DOCK7: variants seen among roughly 807,000 people sequenced by gnomAD.
DOCK7 encodes dedicator of cytokinesis 7, also known as dedicator of cytokinesis protein 7.
DOCK7 carries 138 observed loss-of-function variants against 271.0 expected under a neutral mutation model. The observed-to-expected ratio is 0.51, with a 90% CI of 0.44 to 0.59. DOCK7 has a LOEUF of 0.59. DOCK7 is among the 20% of genes least tolerant of loss of function. The pLI, the probability that DOCK7 is intolerant of heterozygous loss-of-function variation, is 0.00. For synonymous variants in DOCK7, 823 were observed against 876.1 expected (o/e 0.94, Z 1.07); for missense variants, 2,066 against 2,592.4 (o/e 0.80, Z 4.41).
intron 43 of DOCK7, chr1:62,482,793 A>G (rs1571242960): frequency 2.6e-5 from 4 of 152,204 alleles, no homozygotes; most frequent in South Asian, 4.1e-4. Context: ...GTTTTCCTCT[A>G]TATTTCATCC....
At position 62,543,723 on chromosome 1, in the gene DOCK7, C is replaced by T. The variant is rs376417713; in HGVS notation, c.2882G>A (p.Arg961His). Residue 961 changes from arginine to histidine, a missense_variant, in exon 24 of 50, where the codon CGT becomes CAT. By Grantham distance (29) the Arg-to-His change is conservative. This residue lies in a region of DOCK7 where 1,414 missense variants were observed against 1,670.4 expected (regional missense o/e 0.85). Coordinates refer to ENST00000635253, the MANE Select transcript of DOCK7 (RefSeq NM_001367561.1). ...TGACGTCTCTGTGTGCGAAGACATA[C>T]GATTACAACTTCGATCCATAGCCTA... Reference protein sequence around the residue: ...STQAMDRSCNRMSSHTETSSF... With the variant: ...STQAMDRSCNHMSSHTETSSF... The T allele has an allele frequency of 5.0e-5, 79 of 1,595,790 alleles. No individual in the cohort carries two copies. Among genetic ancestry groups the T allele is most frequent in the Non-Finnish European group, 5.7e-5 (67 of 1,167,044 alleles).
In DOCK7 at chr1:62,588,030, C is replaced by T. The variant is rs1647827373; in HGVS notation, c.1683-1406G>A. ...ATGTCTTTGACAATAAGCACACCAA[C>T]TAGAAGTACTAAAAAAAGAAGAAGA... On this transcript the variant is annotated intron_variant, in intron 14 of 49. Transcript: ENST00000635253. Among the ~76,000 whole-genome samples the T allele has an allele frequency of 2.0e-5, 3 of 151,864 alleles. No individual in the cohort carries two copies. In the South Asian group the frequency reaches 6.3e-4, roughly 32 times the overall value.
intron 18 of DOCK7, among the ~76,000 whole-genome samples, chr1:62,577,042 T>C (rs1294204129): frequency 6.6e-6 from 1 of 152,176 alleles, no homozygotes; most frequent in Non-Finnish European, 1.5e-5. Flanking sequence ...AAAATGAGGA[T>C]ATTTACATTT....
chr1:62,614,697 C>T (rs1271367320), intron 14 of DOCK7, among the ~76,000 whole-genome samples: 1 of 151,836 alleles, frequency 6.6e-6, no homozygotes, highest in Non-Finnish European at 1.5e-5. Flanking sequence ...CATATTTAAT[C>T]CCCATAGATT....
rs745945685 is a variant in DOCK7, at chr1:62,474,060, A to G, written c.6134T>C (p.Leu2045Pro). 1 of 1,614,034 alleles carries G rather than the reference A, an allele frequency of 6.2e-7. No homozygotes were observed. Among genetic ancestry groups the G allele is most frequent in the South Asian group, 1.1e-5 (1 of 91,050 alleles). Residue 2045 changes from leucine to proline, a missense_variant, in exon 48 of 50, where the codon CTG (leucine) becomes CCG (proline). By Grantham distance (98) the Leu-to-Pro change is moderately conservative. Coordinates refer to ENST00000635253, the MANE Select transcript of DOCK7 (RefSeq NM_001367561.1). ...QGPLEVAQVFLSEIPSDPKLF... is the reference protein window; with the variant it reads ...QGPLEVAQVFPSEIPSDPKLF... ...CTTTGGGTCACTAGGTATTTCAGAC[A>G]GAAAAACCTGGGCAACTTCCAAAGG...
intron 39 of DOCK7, 77 bp downstream of exon 39, chr1:62,495,504 A>AT: frequency 3.5e-6 from 3 of 855,080 alleles, no homozygotes; most frequent in South Asian, 2.9e-5. Context: ...TTGTGTGTTT[A>AT]TTTTTTTCAT....
At chr1:62,568,727 G>A (rs1157377694) in intron 18 of DOCK7, among the ~76,000 whole-genome samples, 2 of 140,926 alleles carry the variant, frequency 1.4e-5, no homozygotes, top group Admixed American at 7.2e-5. Flanking sequence ...CAGAAGACAA[G>A]AAATAACCAA....
At chr1:62,528,994 T>G (rs1645096017) in intron 30 of DOCK7, among the ~76,000 whole-genome samples, 1 of 152,208 alleles carries the variant, frequency 6.6e-6, no homozygotes, top group African/African-American at 2.4e-5. Flanking sequence ...TTTTTTCAGA[T>G]GTATACTGCA....
chr1:62,543,844 A>G (rs1645614853), intron 23 of DOCK7, 99 bp from the exon 24 acceptor site: 1 of 808,924 alleles, frequency 1.2e-6, no homozygotes, highest in Non-Finnish European at 1.9e-6. Context: ...ACAGAGTTTT[A>G]TTATGGTTTC....
At chr1:62,523,735 C>T (rs1326991781) in intron 31 of DOCK7, among the ~76,000 whole-genome samples, 2 of 151,934 alleles carry the variant, frequency 1.3e-5, no homozygotes, top group African/African-American at 2.4e-5. Context: ...GGCATGGTGG[C>T]GGGTGCCTAT....
At chr1:62,674,801 A>C (rs1262153396) in intron 1 of DOCK7, among the ~76,000 whole-genome samples, 1 of 152,248 alleles carries the variant, frequency 6.6e-6, no homozygotes, top group Non-Finnish European at 1.5e-5. Flanking sequence ...ATAAAAACTA[A>C]CGCAAAATGG....
In DOCK7 at chr1:62,555,904, A is replaced by G. The variant is rs748787643; in HGVS notation, c.2517T>C (p.His839=). Residue 839 remains histidine, a synonymous_variant, in exon 21 of 50, where the codon CAT becomes CAC. Transcript: ENST00000635253. ...ATGATGCAAGAAGGCTGTTTCTGCC[A>G]TGCTGGTCATGATTTCCTTCCAAGT... ...HKNLEGNHDQ[H]GRNSLLASYI... The G allele has an allele frequency of 5.0e-6, 8 of 1,613,870 alleles. No individual in the cohort carries two copies. Among genetic ancestry groups the G allele is most frequent in the African/African-American group, 1.3e-5 (1 of 74,950 alleles).
At chr1:62,481,672 G>A (rs1021416703) in intron 43 of DOCK7, 11 of 152,192 alleles carry the variant, frequency 7.2e-5, no homozygotes, top group African/African-American at 2.2e-4. Context: ...CTTCCTTAGC[G>A]ATTCTACTTA....
intron 15 of DOCK7, among the ~76,000 whole-genome samples, chr1:62,585,370 C>T (rs1647375122): frequency 6.6e-6 from 1 of 152,064 alleles, no homozygotes; most frequent in African/African-American, 2.4e-5. Context: ...TAACAATGCA[C>T]CTATTCTTAG....
chr1:62,591,660 C>A (rs981988552), intron 14 of DOCK7, among the ~76,000 whole-genome samples: 25 of 152,116 alleles, frequency 1.6e-4, no homozygotes, highest in Admixed American at 1.5e-3. Flanking sequence ...TACCACCCCC[C>A]ACTCCCAAAT....
At chr1:62,591,995 A>G (rs1176445461) in intron 14 of DOCK7, among the ~76,000 whole-genome samples, 1 of 152,184 alleles carries the variant, frequency 6.6e-6, no homozygotes, top group Non-Finnish European at 1.5e-5. Context: ...TAGAAAATTT[A>G]GTTACTTAAC....
intron 1 of DOCK7, among the ~76,000 whole-genome samples, chr1:62,678,400 G>T (rs1221148068): frequency 1.3e-5 from 2 of 152,104 alleles, no homozygotes; most frequent in Non-Finnish European, 2.9e-5. Context: ...GGTATAGCTG[G>T]ATACAAAATT....
chr1:62,649,271 T>C (rs1393145999), intron 4 of DOCK7, among the ~76,000 whole-genome samples: 1 of 152,180 alleles, frequency 6.6e-6, no homozygotes, highest in African/African-American at 2.4e-5. Flanking sequence ...AAAACAATAA[T>C]GTTCACAAGA....
chr1:62,494,380 A>G lies in DOCK7; in HGVS notation c.5112T>C (p.His1704=), dbSNP rs753957170. The change falls in exon 40 of 50, where the codon CAT becomes CAC. Residue 1704 remains histidine, a synonymous_variant. Transcript: ENST00000635253. ...MAGKHSERSN[H]AEAAQCLVHS... ...GGACTAGACACTGTGCAGCTTCAGC[A>G]TGATTGCTTCGTTCTGAGTGCTTGC... is the stretch of plus-strand genomic sequence containing the variant. 4 of 1,613,614 alleles carry G rather than the reference A, an allele frequency of 2.5e-6. No homozygotes were observed. The highest frequency in any genetic ancestry group is 1.3e-5 in the African/African-American group (1 of 74,938).
Sources: gnomAD v4.1 joint callset for allele counts (sites outside exome capture counted in the v4.1 genomes callset) on GRCh38, gnomAD v4.1.1 for gene constraint, gnomAD v4.1.1 regional missense constraint, MANE v1.5 for transcripts, NCBI Gene and HGNC (gene_info 2026-07-23, HGNC 2026-07-21) for gene names.